Variants in GPHN observed in about 807,000 individuals in gnomAD.
The protein encoded by GPHN is gephyrin.
Under a neutral mutation model 95.5 loss-of-function variants are expected in GPHN, and 17 were observed. That is an observed-to-expected ratio of 0.18 (90% CI 0.12 to 0.27). GPHN has a LOEUF of 0.27. Ranked by LOEUF, GPHN falls within the 10% of genes least tolerant of loss-of-function variation. The pLI is 1.00. For missense variants in GPHN, 660 were observed against 978.1 expected, an observed-to-expected ratio of 0.67 and a Z score of 4.34; for synonymous variants, 320 against 322.5, an observed-to-expected ratio of 0.99 and a Z score of 0.08.
intron 3 of GPHN, among the ~76,000 whole-genome samples, chr14:66,808,189 A>G (rs981330744): frequency 3.9e-5 from 6 of 152,152 alleles, no homozygotes; most frequent in Non-Finnish European, 7.4e-5. Flanking sequence ...TCTTTTGTGA[A>G]GTGCCTGTTT....
At chr14:67,008,916 G>C (rs1391229177) in intron 9 of GPHN, among the ~76,000 whole-genome samples, 1 of 152,050 alleles carries the variant, frequency 6.6e-6, no homozygotes, top group African/African-American at 2.4e-5. Flanking sequence ...CCAGATCAGG[G>C]GTTATATTTG....
At chr14:67,204,071 A>G in the GPHN span, among the ~76,000 whole-genome samples, 1 of 152,166 alleles carries the variant, frequency 6.6e-6, no homozygotes, top group Non-Finnish European at 1.5e-5. Flanking sequence ...GATGGTTCTC[A>G]GGAGCCCCTA....
the GPHN span, among the ~76,000 whole-genome samples, chr14:67,491,613 C>T: frequency 6.6e-6 from 1 of 152,212 alleles, no homozygotes; most frequent in Non-Finnish European, 1.5e-5. Context: ...TCTTATTACA[C>T]CGCACCCTGA....
the GPHN span, among the ~76,000 whole-genome samples, chr14:67,426,274 G>C: frequency 6.6e-6 from 1 of 152,162 alleles, no homozygotes; most frequent in East Asian, 1.9e-4. Context: ...GGCTGAGTTG[G>C]GTAGTTGCTG....
the GPHN span, chr14:67,677,057 A>G: frequency 6.6e-6 from 1 of 152,200 alleles, no homozygotes; most frequent in South Asian, 2.1e-4. Context: ...CTGTGGTCCT[A>G]TAACTCTTTC....
At chr14:67,102,908 C>T (rs2077798432) in intron 13 of GPHN, among the ~76,000 whole-genome samples, 1 of 152,162 alleles carries the variant, frequency 6.6e-6, no homozygotes, top group African/African-American at 2.4e-5. Flanking sequence ...GCTAAGTTGG[C>T]ACTATAGTGA....
chr14:67,585,445 A>G, the GPHN span: 1 of 672,128 alleles, frequency 1.5e-6, no homozygotes, highest in Non-Finnish European at 2.6e-6. Context: ...TTGTTTTCCA[A>G]GATGAGGTGG....
the GPHN span, chr14:67,204,552 G>T: frequency 1.2e-6 from 2 of 1,613,110 alleles, no homozygotes; most frequent in South Asian, 2.2e-5. Flanking sequence ...TCCCTCTGCA[G>T]TTTGTGACTC....
chr14:66,955,384 G>C (rs1265185451), intron 8 of GPHN, among the ~76,000 whole-genome samples: 1 of 151,974 alleles, frequency 6.6e-6, no homozygotes, highest in Non-Finnish European at 1.5e-5. Context: ...GCAACTTGTT[G>C]GCATACAGTT....
At chr14:66,532,531 C>T (rs2058984954) in intron 1 of GPHN, among the ~76,000 whole-genome samples, 1 of 152,054 alleles carries the variant, frequency 6.6e-6, no homozygotes, top group Non-Finnish European at 1.5e-5. Context: ...AAGAGACTAC[C>T]CAAGGGTGTA....
At chr14:67,269,886 G>C in the GPHN span, 1 of 152,384 alleles carries the variant, frequency 6.6e-6, no homozygotes, top group Non-Finnish European at 1.5e-5. Context: ...GAGGAATGCT[G>C]ATCACTTAAA....
At chr14:66,900,707 C>A (rs1567078718) in intron 5 of GPHN, among the ~76,000 whole-genome samples, 1 of 151,960 alleles carries the variant, frequency 6.6e-6, no homozygotes, top group African/African-American at 2.4e-5. Flanking sequence ...CATGTTCCTG[C>A]AAATGATAGG....
At chr14:67,415,816 T>C in the GPHN span, among the ~76,000 whole-genome samples, 2 of 152,222 alleles carry the variant, frequency 1.3e-5, no homozygotes. Flanking sequence ...AATAAGATCA[T>C]GTCCGTTGCA....
chr14:67,379,876 G>C, the GPHN span, among the ~76,000 whole-genome samples: 2 of 151,530 alleles, frequency 1.3e-5, no homozygotes, highest in African/African-American at 4.9e-5. Context: ...GGATGGTCTC[G>C]ATCTCCTGAC....
At chr14:67,722,790 G>T in the GPHN span, 2 of 1,177,514 alleles carry the variant, frequency 1.7e-6, no homozygotes, top group Non-Finnish European at 2.6e-6. Context: ...TGAAAGAAGA[G>T]AAAGGGAAGG....
Position 66,920,677 on chromosome 14 carries a change from C to T in GPHN, c.457-1989C>T, listed in dbSNP as rs571029779. On this transcript the variant is annotated intron_variant, in intron 6 of 22. Transcript: ENST00000478722. ...GTTCTTTAGTGGTGATTTGTGAGAT[C>T]CTGGTGCACCCTTCACCGAGAGGTA... 4.0e-5 allele frequency among the ~76,000 whole-genome samples: 6 copies of T among 151,300 alleles called. No individual in the cohort carries two copies. In the East Asian group the frequency reaches 1.2e-3, roughly 29 times the overall value.
intron 5 of GPHN, among the ~76,000 whole-genome samples, chr14:66,884,964 G>A (rs1011692693): frequency 6.6e-6 from 1 of 151,664 alleles, no homozygotes; most frequent in Non-Finnish European, 1.5e-5. Context: ...ATAAACACAT[G>A]CACTGCTTTT....
At chr14:67,240,335 C>T in the GPHN span, among the ~76,000 whole-genome samples, 2 of 152,110 alleles carry the variant, frequency 1.3e-5, no homozygotes, top group Admixed American at 1.3e-4. Context: ...TGTGAAAGAG[C>T]TTGAAAATCA....
chr14:67,474,646 C>A, the GPHN span, among the ~76,000 whole-genome samples: 1 of 152,180 alleles, frequency 6.6e-6, no homozygotes, highest in African/African-American at 2.4e-5. Context: ...GCAACTGTCA[C>A]CACCAACCAT....
Sources: gnomAD v4.1 joint callset for allele counts (sites outside exome capture counted in the v4.1 genomes callset) on GRCh38, gnomAD v4.1.1 for gene constraint, MANE v1.5 for transcripts, NCBI Gene and HGNC (gene_info 2026-07-23, HGNC 2026-07-21) for gene names.